Variants in PLCB4 observed in about 807,000 individuals in gnomAD.
The protein encoded by PLCB4 is phospholipase C beta 4.
Under a neutral mutation model 178.8 loss-of-function variants are expected in PLCB4, and 77 were observed. The ratio of observed to expected loss-of-function variants is 0.43; its 90% CI spans 0.36 to 0.52. PLCB4 has a LOEUF of 0.52. Among genes scored for constraint, PLCB4 ranks in the 20% least tolerant of loss-of-function variants. The pLI, the probability that PLCB4 is intolerant of heterozygous loss-of-function variation, is 0.00. For synonymous variants in PLCB4, 496 were observed against 490.8 expected (o/e 1.01, Z -0.14); for missense variants, 1,024 against 1,453.4 (o/e 0.70, Z 4.80).
At chr20:9,457,378 A>G (rs780618132) in intron 33 of PLCB4, 36 bp from the exon 34 acceptor site, 1 of 954,678 alleles carries the variant, frequency 1.0e-6, no homozygotes, top group South Asian at 1.3e-5. Flanking sequence ...GAAAATATCT[A>G]ATTTCTGGCA....
At chr20:9,384,463 T>G in intron 14 of PLCB4, 52 bp downstream of exon 14, 1 of 1,242,310 alleles carries the variant, frequency 8.0e-7, no homozygotes, top group South Asian at 1.2e-5. Flanking sequence ...CCCTTCAGTT[T>G]AATTTACTTT....
chr20:9,180,068 TA>T (rs1568904643), intron 2 of PLCB4, among the ~76,000 whole-genome samples: 2 of 152,200 alleles, frequency 1.3e-5, no homozygotes, highest in Non-Finnish European at 2.9e-5. Flanking sequence ...TTCTAAATGC[TA>T]GACATAAATC....
At chr20:9,370,019 C>G (rs951553509) in intron 9 of PLCB4, among the ~76,000 whole-genome samples, 1 of 152,212 alleles carries the variant, frequency 6.6e-6, no homozygotes, top group African/African-American at 2.4e-5. Flanking sequence ...CGATTGAAGG[C>G]TCCTTGGTGG....
chr20:9,247,362 G>A (rs2094136327), intron 3 of PLCB4, among the ~76,000 whole-genome samples: 1 of 152,156 alleles, frequency 6.6e-6, no homozygotes, highest in East Asian at 1.9e-4. Context: ...TAAATATTTT[G>A]AGTAGTTTAT....
chr20:9,097,334 A>T (rs934975058), intron 2 of PLCB4, among the ~76,000 whole-genome samples: 1 of 139,148 alleles, frequency 7.2e-6, no homozygotes, highest in Admixed American at 8.1e-5. Flanking sequence ...CTTGGTTCTG[A>T]CTAGAGCCAT....
At chr20:9,467,959 G>T (rs1196028313) in intron 35 of PLCB4, among the ~76,000 whole-genome samples, 1 of 152,072 alleles carries the variant, frequency 6.6e-6, no homozygotes, top group Non-Finnish European at 1.5e-5. Flanking sequence ...TGCAGTGGTT[G>T]GTCACCTGCA....
intron 1 of PLCB4, among the ~76,000 whole-genome samples, chr20:9,085,052 CAAAA>C (rs11474540): frequency 2.4e-5 from 1 of 41,370 alleles, no homozygotes. Context: ...GACTCCATCT[CAAAA>C]AAAAAAAAAA....
At chr20:9,151,589 G>A (rs772248294) in intron 2 of PLCB4, among the ~76,000 whole-genome samples, 12 of 152,208 alleles carry the variant, frequency 7.9e-5, no homozygotes, top group South Asian at 2.1e-4. Flanking sequence ...GTGCCTTTCA[G>A]CCTCCCGCCA....
At chr20:9,337,977 C>G in intron 5 of PLCB4, 31 bp from the exon 6 acceptor site, 2 of 1,569,536 alleles carry the variant, frequency 1.3e-6, no homozygotes, top group Non-Finnish European at 1.8e-6. Flanking sequence ...ATAATTTAAG[C>G]TCATTGCTGT....
chr20:9,215,849 T>A (rs898161858), intron 2 of PLCB4, among the ~76,000 whole-genome samples: 3 of 152,218 alleles, frequency 2.0e-5, no homozygotes, highest in African/African-American at 4.8e-5. Flanking sequence ...TATAGATTAG[T>A]GAGGTTTGTC....
At position 9,292,175 on chromosome 20, in the gene PLCB4, C is replaced by T. The variant is rs538037317; in HGVS notation, c.-15-15625C>T. Among the ~76,000 whole-genome samples, 80 of 152,216 alleles carry T rather than the reference C, an allele frequency of 5.3e-4. No individual in the cohort carries two copies. The South Asian group carries it at 0.014, about 26-fold the overall frequency. On this transcript the variant is annotated intron_variant, in intron 3 of 39. Transcript: ENST00000378473. ...CCTCAGGCTTACTCCATACTCACGC[C>T]GGAGGCAACCTTCAGAGAGCTTATT...
chr20:9,250,535 A>ATTGT (rs1397197907), intron 3 of PLCB4, among the ~76,000 whole-genome samples: 1 of 152,192 alleles, frequency 6.6e-6, no homozygotes, highest in African/African-American at 2.4e-5. Flanking sequence ...ATACATAAAA[A>ATTGT]TTGTTTGTTT....
intron 25 of PLCB4, among the ~76,000 whole-genome samples, chr20:9,414,234 C>G (rs2040081758): frequency 6.6e-6 from 1 of 152,204 alleles, no homozygotes; most frequent in Non-Finnish European, 1.5e-5. Flanking sequence ...GATAAAGTAT[C>G]AGCGATGCTG....
intron 2 of PLCB4, among the ~76,000 whole-genome samples, chr20:9,187,778 A>G (rs563880825): frequency 8.5e-5 from 13 of 152,316 alleles, no homozygotes; most frequent in African/African-American, 2.9e-4. Flanking sequence ...ATATCATCCT[A>G]TAGTTTAACC....
intron 2 of PLCB4, among the ~76,000 whole-genome samples, chr20:9,170,217 T>C (rs1290765527): frequency 6.6e-6 from 1 of 152,224 alleles, no homozygotes; most frequent in Non-Finnish European, 1.5e-5. Flanking sequence ...TTCTTCAAAA[T>C]TGTGCTTTGA....
At chr20:9,261,631 C>T (rs2094298656) in intron 3 of PLCB4, among the ~76,000 whole-genome samples, 1 of 152,084 alleles carries the variant, frequency 6.6e-6, no homozygotes, top group African/African-American at 2.4e-5. Context: ...GAACATACTT[C>T]TTCTTTTACT....
rs1055459017 is a variant in PLCB4, at chr20:9,286,699, G to C, written c.-15-21101G>C. 3.3e-5 allele frequency among the ~76,000 whole-genome samples: 5 copies of C among 152,002 alleles called. 1 individual carries two copies. The South Asian group carries it at 8.3e-4, about 25-fold the overall frequency. On this transcript the variant is annotated intron_variant, in intron 3 of 39. Transcript: ENST00000378473. ...AGTTATTTTAAGACCACGCCAGTGA[G>C]GTCATTCTGAGTCATGACCTCATGG...
chr20:9,112,870 A>C (rs2091630834), intron 2 of PLCB4, among the ~76,000 whole-genome samples: 1 of 104,742 alleles, frequency 9.5e-6, no homozygotes, highest in Non-Finnish European at 1.8e-5. Context: ...TAATTATAAC[A>C]ATTTCCTCTT....
At chr20:9,069,634 A>C (rs955600824) in intron 1 of PLCB4, among the ~76,000 whole-genome samples, 19 of 152,176 alleles carry the variant, frequency 1.2e-4, no homozygotes, top group African/African-American at 4.3e-4. Flanking sequence ...CTTAGCACTC[A>C]TTGGGGGCAG....
Sources: allele counts gnomAD v4.1 joint callset (sites outside exome capture counted in the v4.1 genomes callset), GRCh38; gene constraint gnomAD v4.1.1; transcripts MANE v1.5; gene names NCBI Gene and HGNC (gene_info 2026-07-23, HGNC 2026-07-21).